The following DRC2 variants were observed in gnomAD, a reference collection of about 807,000 sequenced individuals.
The protein encoded by DRC2 is dynein regulatory complex subunit 2.
the DRC2 span, among the ~76,000 whole-genome samples, chr12:48,920,587 T>C: frequency 6.8e-6 from 1 of 146,914 alleles, no homozygotes; most frequent in Non-Finnish European, 1.5e-5. Flanking sequence ...GGTGGCACCA[T>C]CTCGTCTCAC....
the DRC2 span, among the ~76,000 whole-genome samples, chr12:48,909,037 C>CTTTTTTTTTTT: frequency 1.6e-4 from 13 of 82,364 alleles, no homozygotes; most frequent in Non-Finnish European, 2.3e-4. Context: ...TTTTCTTTCT[C>CTTTTTTTTTTT]TTTTTTTTTT....
the DRC2 span, among the ~76,000 whole-genome samples, chr12:48,916,523 A>G: frequency 6.6e-6 from 1 of 152,270 alleles, no homozygotes; most frequent in African/African-American, 2.4e-5. Context: ...TCAGGCAGGG[A>G]GGTTGCAGTG....
the DRC2 span, chr12:48,917,089 G>A: frequency 6.2e-7 from 1 of 1,614,116 alleles, no homozygotes; most frequent in Non-Finnish European, 8.5e-7. Context: ...CAGAGCATGT[G>A]GAATGATCTC....
the DRC2 span, among the ~76,000 whole-genome samples, chr12:48,919,388 G>A: frequency 1.1e-4 from 16 of 151,990 alleles, 1 homozygote; most frequent in East Asian, 3.1e-3. Context: ...TTGTAGAGAT[G>A]GGGTTTCGCC....
the DRC2 span, among the ~76,000 whole-genome samples, chr12:48,915,575 A>G: frequency 3.3e-5 from 5 of 151,662 alleles, no homozygotes; most frequent in Non-Finnish European, 7.4e-5. Flanking sequence ...CCCCCTTTCT[A>G]TTCCGCAAAG....
the DRC2 span, chr12:48,904,172 G>C: frequency 2.4e-6 from 2 of 840,124 alleles, no homozygotes; most frequent in Non-Finnish European, 1.8e-6. Flanking sequence ...CTCACTGATA[G>C]CCGGGGATCT....
chr12:48,904,272 C>G, the DRC2 span: 1 of 1,552,236 alleles, frequency 6.4e-7, no homozygotes, highest in African/African-American at 1.4e-5. Context: ...CATTTTTCTT[C>G]TAAGCTCTGT....
the DRC2 span, among the ~76,000 whole-genome samples, chr12:48,912,589 T>C: frequency 2.0e-5 from 3 of 152,084 alleles, no homozygotes; most frequent in African/African-American, 4.8e-5. Flanking sequence ...GGGACTGGCA[T>C]AGTGTCACTT....
the DRC2 span, chr12:48,914,405 C>T: frequency 1.2e-6 from 2 of 1,602,096 alleles, no homozygotes; most frequent in Non-Finnish European, 1.7e-6. Flanking sequence ...CTGGCCTAGT[C>T]TTTAGCTAAA....
the DRC2 span, chr12:48,904,419 A>G: frequency 6.2e-7 from 1 of 1,614,098 alleles, no homozygotes; most frequent in Non-Finnish European, 8.5e-7. Flanking sequence ...TTGCTGGCAG[A>G]GGAGGAGATG....
At chr12:48,915,969 G>A in the DRC2 span, among the ~76,000 whole-genome samples, 44 of 147,324 alleles carry the variant, frequency 3.0e-4, no homozygotes, top group African/African-American at 6.8e-4. Flanking sequence ...ACAGGGCGGC[G>A]GGGCAGAGGC....
At chr12:48,919,487 T>A in the DRC2 span, among the ~76,000 whole-genome samples, 1 of 151,246 alleles carries the variant, frequency 6.6e-6, no homozygotes, top group Non-Finnish European at 1.5e-5. Flanking sequence ...CATGAGCCAC[T>A]GCGTTGAGCT....
At chr12:48,911,255 T>A in the DRC2 span, among the ~76,000 whole-genome samples, 2 of 152,128 alleles carry the variant, frequency 1.3e-5, no homozygotes, top group Non-Finnish European at 2.9e-5. Context: ...AATGTTTAAA[T>A]TTTATTTTAG....
chr12:48,904,291 C>G, the DRC2 span: 23 of 1,589,650 alleles, frequency 1.4e-5, no homozygotes, highest in Non-Finnish European at 2.0e-5. Context: ...GTAACGCGGG[C>G]CGAGGCAGAC....
the DRC2 span, chr12:48,918,530 T>G: frequency 6.4e-7 from 1 of 1,564,516 alleles, no homozygotes; most frequent in Non-Finnish European, 8.7e-7. Context: ...TCCCCTCTTT[T>G]GCTTCCCCTT....
the DRC2 span, chr12:48,904,481 T>C: frequency 3.1e-6 from 5 of 1,613,312 alleles, no homozygotes; most frequent in African/African-American, 6.7e-5. Context: ...GATGGCCTTT[T>C]GCATTATGTC....
the DRC2 span, among the ~76,000 whole-genome samples, chr12:48,914,852 T>C: frequency 6.6e-6 from 1 of 151,996 alleles, no homozygotes; most frequent in South Asian, 2.1e-4. Flanking sequence ...TATTGTTTTA[T>C]TTTTTTATTT....
the DRC2 span, among the ~76,000 whole-genome samples, chr12:48,919,520 A>T: frequency 2.8e-3 from 372 of 131,428 alleles, no homozygotes; most frequent in African/African-American, 8.6e-3. Context: ...TTAATTAATT[A>T]TTTTTTTTTT....
the DRC2 span, among the ~76,000 whole-genome samples, chr12:48,920,358 T>C: frequency 2.1e-5 from 3 of 142,350 alleles, no homozygotes; most frequent in Non-Finnish European, 4.5e-5. Context: ...GGAGAATCGC[T>C]TGAACCCTGG....
Sources: gnomAD v4.1 joint callset for allele counts (sites outside exome capture counted in the v4.1 genomes callset) on GRCh38, gnomAD v4.1.1 for gene constraint, MANE v1.5 for transcripts, NCBI Gene and HGNC (gene_info 2026-07-23, HGNC 2026-07-21) for gene names.